CPNE3: variants seen among roughly 807,000 people sequenced by gnomAD.
CPNE3 encodes copine-3.
CPNE3 carries 68 observed loss-of-function variants against 63.9 expected under a neutral mutation model. That is an observed-to-expected ratio of 1.06 (90% CI 0.87 to 1.30). CPNE3 has a LOEUF of 1.30. Among genes scored for constraint, CPNE3 ranks in the 50% most tolerant of loss-of-function variants. CPNE3 has a pLI of 0.00. For missense variants in CPNE3, 665 were observed against 578.1 expected, an observed-to-expected ratio of 1.15 and a Z score of -1.54; for synonymous variants, 219 against 197.5, an observed-to-expected ratio of 1.11 and a Z score of -0.91.
intron 7 of CPNE3, among the ~76,000 whole-genome samples, chr8:86,537,983 T>A (rs1010190352): frequency 4.6e-5 from 6 of 131,328 alleles, no homozygotes; most frequent in African/African-American, 1.6e-4. Context: ...TCTCTCTCTC[T>A]CTCTCACACA....
intron 2 of CPNE3, among the ~76,000 whole-genome samples, chr8:86,517,262 GCATATTAGTAAGTTTCCT>G (rs1221653773): frequency 2.0e-5 from 3 of 152,004 alleles, no homozygotes; most frequent in Non-Finnish European, 4.4e-5. Context: ...TAGGTGGATA[GCATATTAGTAAGTTTCCT>G]CATAAAAAAA....
At chr8:86,521,009 T>TC (rs1346734709) in intron 2 of CPNE3, among the ~76,000 whole-genome samples, 1 of 152,168 alleles carries the variant, frequency 6.6e-6, no homozygotes, top group Non-Finnish European at 1.5e-5. Context: ...ATTTCTGGTA[T>TC]CCTGTGGTAG....
rs1821412069 is a variant in CPNE3, at chr8:86,560,396, C to T, written c.*1986C>T. The T allele has an allele frequency of 6.6e-6, 1 of 152,136 alleles. No homozygotes were observed. The highest frequency in any genetic ancestry group is 2.1e-4 in the South Asian group (1 of 4,826). The allele number at this position is 152,136 out of a possible 1,614,324, so 9.4% of individuals were successfully genotyped here. A position where few individuals can be genotyped will look rare whatever the true frequency, so the allele number is the denominator to read the frequency against. ...TATCTGTTTGATGCTGTGGCAGGGT[C>T]CCAGTCACTGGGCATATCCTCCTTC... On this transcript the variant is annotated 3_prime_UTR_variant, in exon 17 of 17. Transcript: ENST00000517490.
intron 14 of CPNE3, among the ~76,000 whole-genome samples, chr8:86,552,376 C>G (rs1415954390): frequency 6.6e-6 from 1 of 152,112 alleles, no homozygotes; most frequent in African/African-American, 2.4e-5. Context: ...CTTTTATTCC[C>G]TAGCCATTTG....
rs550760807 is a variant in CPNE3, at chr8:86,553,563, A to G, written c.1121-1288A>G. On this transcript the variant is annotated intron_variant, in intron 14 of 16. Transcript: ENST00000517490. Reference sequence around the variant, plus strand: ...GTTTTTAACCTAGGAGTAATAGGCTATACCATCTAGGTTTGTGTAAGTATA... The same window carrying G: ...GTTTTTAACCTAGGAGTAATAGGCTGTACCATCTAGGTTTGTGTAAGTATA... 3.3e-5 allele frequency among the ~76,000 whole-genome samples: 5 copies of G among 152,316 alleles called. No individual in the cohort carries two copies. In the East Asian group the frequency reaches 9.7e-4, roughly 29 times the overall value.
intron 4 of CPNE3, among the ~76,000 whole-genome samples, chr8:86,530,170 CT>C (rs71275863): frequency 0.66 from 80,864 of 122,496 alleles, 25,565 homozygotes; most frequent in African/African-American, 0.73. Context: ...AAATTGAATC[CT>C]TTTTTTTTTT....
chr8:86,517,891 T>C (rs1820350775), intron 2 of CPNE3, among the ~76,000 whole-genome samples: 1 of 152,208 alleles, frequency 6.6e-6, no homozygotes, highest in Admixed American at 6.5e-5. Flanking sequence ...GAATTAATAG[T>C]ACTATTAAAC....
intron 10 of CPNE3, 92 bp from the exon 11 acceptor site, chr8:86,547,619 A>AAAAT (rs1821081913): frequency 2.8e-6 from 2 of 705,520 alleles, no homozygotes; most frequent in East Asian, 5.4e-5. Context: ...GTCCTGTTCA[A>AAAAT]TTTACAGACT....
intron 9 of CPNE3, among the ~76,000 whole-genome samples, chr8:86,545,826 A>T (rs1250758951): frequency 6.6e-6 from 1 of 152,216 alleles, no homozygotes; most frequent in Non-Finnish European, 1.5e-5. Context: ...GTTGGAGGTG[A>T]TTATAATGTC....
chr8:86,536,157 A>G (rs1421165712), intron 6 of CPNE3, among the ~76,000 whole-genome samples: 1 of 151,562 alleles, frequency 6.6e-6, no homozygotes, highest in Non-Finnish European at 1.5e-5. Flanking sequence ...TGTGTTTTAT[A>G]ATTTAATCAT....
chr8:86,526,160 G>A (rs1012240710), intron 2 of CPNE3, among the ~76,000 whole-genome samples: 31 of 152,052 alleles, frequency 2.0e-4, no homozygotes, highest in Middle Eastern at 3.4e-3. Flanking sequence ...CCTGGGAGGC[G>A]GAGGCTACAG....
intron 2 of CPNE3, among the ~76,000 whole-genome samples, chr8:86,517,793 C>A (rs1020781027): frequency 1.3e-5 from 2 of 152,300 alleles, no homozygotes; most frequent in Admixed American, 1.3e-4. Flanking sequence ...TGGTGGCCTG[C>A]TTTGTTTATT....
At chr8:86,546,792 A>G in intron 10 of CPNE3, 111 bp downstream of exon 10, 1 of 1,132,966 alleles carries the variant, frequency 8.8e-7, no homozygotes, top group African/African-American at 1.7e-5. Flanking sequence ...GCTCACTGCA[A>G]CCTCTGCCTC....
rs1222636829 is a variant in CPNE3 at position 86,559,105 on chromosome 8, T to C, written c.*695T>C. On this transcript the variant is annotated 3_prime_UTR_variant, in exon 17 of 17. Transcript: ENST00000517490. The stretch of plus-strand genomic sequence containing the variant: ...AGCCATTTTTATTTGCCTTTCTAGA[T>C]ATTTTATTTTATTGTGGAAAACTGT... 1 of 152,142 alleles carries C rather than the reference T, an allele frequency of 6.6e-6. No individual in the cohort carries two copies. The highest frequency in any genetic ancestry group is 1.5e-5 in the Non-Finnish European group (1 of 68,038). The allele number at this position is 152,142 out of a possible 1,614,324, so 9.4% of individuals were successfully genotyped here.
chr8:86,526,594 A>G (rs1429941536), intron 2 of CPNE3, among the ~76,000 whole-genome samples: 1 of 151,810 alleles, frequency 6.6e-6, no homozygotes, highest in Non-Finnish European at 1.5e-5. Context: ...CTCACTGCAA[A>G]CTCTGCCTTC....
At chr8:86,542,712 T>A (rs1257391087) in intron 8 of CPNE3, among the ~76,000 whole-genome samples, 1 of 151,978 alleles carries the variant, frequency 6.6e-6, no homozygotes, top group Non-Finnish European at 1.5e-5. Flanking sequence ...AGAGAGAAAT[T>A]AAATGACACG....
At chr8:86,552,225 T>C (rs1268120757) in intron 14 of CPNE3, among the ~76,000 whole-genome samples, 1 of 152,262 alleles carries the variant, frequency 6.6e-6, no homozygotes, top group East Asian at 1.9e-4. Flanking sequence ...CTTTTCTTCC[T>C]AAACAATATT....
Position 86,528,957 on chromosome 8 carries a change from G to A in CPNE3, c.145G>A (p.Glu49Lys), listed in dbSNP as rs1334101919. The change falls in exon 4 of 17, where the codon GAA becomes AAA. Residue 49 changes from glutamate (E) to lysine (K), a missense_variant. Physicochemically the swap from Glu to Lys is moderately conservative, Grantham distance 56. Transcript: ENST00000517490. ...GQQWYEVERT[E>K]RIKNCLNPQF... ...CGGATGGGTGTAGGTTGAGCGCACA[G>A]AAAGGATTAAGAATTGCTTGAATCC... The A allele has an allele frequency of 6.2e-7, 1 of 1,612,852 alleles. No homozygotes were observed. Among genetic ancestry groups the A allele is most frequent in the East Asian group, 2.2e-5 (1 of 44,850 alleles).
At chr8:86,558,192 T>C in intron 16 of CPNE3, 96 bp from the exon 17 acceptor site, 2 of 814,436 alleles carry the variant, frequency 2.5e-6, no homozygotes, top group Non-Finnish European at 4.3e-6. Flanking sequence ...TAGAATTGCT[T>C]CATTTTAGTG....
Sources: gnomAD v4.1 joint callset for allele counts (sites outside exome capture counted in the v4.1 genomes callset) on GRCh38, gnomAD v4.1.1 for gene constraint, MANE v1.5 for transcripts, NCBI Gene and HGNC (gene_info 2026-07-23, HGNC 2026-07-21) for gene names.